Variants in PDE3B observed in about 807,000 individuals in gnomAD.
PDE3B encodes the protein cGMP-inhibited 3',5'-cyclic phosphodiesterase 3B.
PDE3B carries 66 observed loss-of-function variants against 116.8 expected under a neutral mutation model. That is an observed-to-expected ratio of 0.56 (90% CI 0.46 to 0.69). The LOEUF is 0.69. Among genes scored for constraint, PDE3B ranks in the 30% least tolerant of loss-of-function variants. PDE3B has a pLI of 0.00. For missense variants in PDE3B, 1,384 were observed against 1,368.1 expected, an observed-to-expected ratio of 1.01 and a Z score of -0.18; for synonymous variants, 595 against 533.6, an observed-to-expected ratio of 1.12 and a Z score of -1.59.
chr11:14,875,876 C>T (rs1848183323), downstream of PDE3B, among the ~76,000 whole-genome samples: 1 of 152,146 alleles, frequency 6.6e-6, no homozygotes, highest in African/African-American at 2.4e-5. Flanking sequence ...TATGAATCTA[C>T]ATCTTTTATA....
chr11:14,808,480 A>G (rs1462239921), intron 5 of PDE3B, among the ~76,000 whole-genome samples: 1 of 152,238 alleles, frequency 6.6e-6, no homozygotes, highest in Non-Finnish European at 1.5e-5. Flanking sequence ...TAGACTTAGT[A>G]TAAAACAAAA....
At chr11:14,882,190 G>A in the PDE3B span, among the ~76,000 whole-genome samples, 3 of 152,050 alleles carry the variant, frequency 2.0e-5, no homozygotes, top group Middle Eastern at 3.2e-3. Flanking sequence ...TAAGTGTCAG[G>A]AATGTATCAG....
At chr11:14,774,496 G>A (rs945985901) in intron 2 of PDE3B, 11 of 152,152 alleles carry the variant, frequency 7.2e-5, no homozygotes, top group African/African-American at 2.4e-4. Flanking sequence ...AAGTATTTTA[G>A]CATTTGCTGG....
chr11:14,776,438 A>ACC (rs1199679446), intron 2 of PDE3B: 1 of 152,240 alleles, frequency 6.6e-6, no homozygotes, highest in Admixed American at 6.5e-5. Flanking sequence ...CCCTAAAGGT[A>ACC]CCAGATGACC....
the PDE3B span, chr11:14,879,131 A>C: frequency 1.2e-6 from 2 of 1,613,090 alleles, no homozygotes; most frequent in African/African-American, 2.7e-5. Context: ...AAAAGGAACC[A>C]AAGCTTCCTT....
At chr11:14,667,050 A>T (rs1284509865) in intron 1 of PDE3B, among the ~76,000 whole-genome samples, 1 of 152,216 alleles carries the variant, frequency 6.6e-6, no homozygotes, top group Non-Finnish European at 1.5e-5. Flanking sequence ...TCCAACAATG[A>T]TAGACTGGAT....
the PDE3B span, among the ~76,000 whole-genome samples, chr11:14,885,235 T>A: frequency 6.6e-6 from 1 of 152,186 alleles, no homozygotes; most frequent in Non-Finnish European, 1.5e-5. Context: ...GCTTTCTTCT[T>A]ACCGATTTTG....
chr11:14,804,061 ATT>A lies in PDE3B; in HGVS notation c.1522+12_1522+13del, dbSNP rs745948241. 7.0e-7 allele frequency: 1 copy of A among 1,435,840 alleles called. No individual in the cohort carries two copies. Among genetic ancestry groups the A allele is most frequent in the African/African-American group, 1.4e-5 (1 of 71,368 alleles). The allele number at this position is 1,435,840 out of a possible 1,614,324, so 88.9% of individuals were successfully genotyped here. On this transcript the variant is annotated intron_variant, in intron 5 of 15. Transcript: ENST00000282096. ...GTCTCAGAAGAGCTGGTAAGAAATC[ATT>A]CTTTATGACTCAAATATGGGGGTTC...
chr11:14,647,858 A>G (rs972878361), intron 1 of PDE3B, among the ~76,000 whole-genome samples: 3 of 151,500 alleles, frequency 2.0e-5, no homozygotes, highest in Non-Finnish European at 4.4e-5. Flanking sequence ...AAAACATTTG[A>G]TTTTATAATT....
At chr11:14,815,848 C>A (rs1414345058) in intron 5 of PDE3B, among the ~76,000 whole-genome samples, 1 of 151,658 alleles carries the variant, frequency 6.6e-6, no homozygotes, top group Non-Finnish European at 1.5e-5. Flanking sequence ...ATGTGCTTAA[C>A]CTTATTAGTA....
chr11:14,652,576 A>G (rs1248275155), intron 1 of PDE3B, among the ~76,000 whole-genome samples: 1 of 152,036 alleles, frequency 6.6e-6, no homozygotes, highest in African/African-American at 2.4e-5. Flanking sequence ...TCTGTTCTTT[A>G]TTTTTAAGTG....
rs181109021 is a variant in PDE3B, at chr11:14,749,003, T to A, written c.979-22934T>A. ...GCCTGGGTTCATGTGATTCTCATGCTTCAGCCTCCCAAGTAGCTGGGATTA... is the reference window on the plus strand; with the variant it reads ...GCCTGGGTTCATGTGATTCTCATGCATCAGCCTCCCAAGTAGCTGGGATTA... On this transcript the variant is annotated intron_variant, in intron 1 of 15. Coordinates refer to ENST00000282096, the MANE Select transcript of PDE3B (RefSeq NM_000922.4). Among the ~76,000 whole-genome samples, 553 of 151,852 alleles carry A rather than the reference T, an allele frequency of 3.6e-3. 3 individuals are homozygous for A. The highest frequency in any genetic ancestry group is 0.012 in the African/African-American group (500 of 41,430).
In PDE3B at chr11:14,644,814, CT is replaced by C. The variant is rs1226851983; in HGVS notation, c.740del (p.Leu247ArgfsTer42). Reference protein sequence around the residue: ...LGSLPSALRPLLSGLVGGAGC... With the variant: ...LGSLPSALRPXLSGLVGGAGC... The stretch of plus-strand genomic sequence containing the variant: ...GTCGCTGCCCTCCGCCCTCAGGCCG[CT>C]GCTCTCCGGCCTGGTGGGGGGCGCT... On this transcript the variant is annotated frameshift_variant, in exon 1 of 16. Coordinates refer to ENST00000282096, the MANE Select transcript of PDE3B (RefSeq NM_000922.4). LOFTEE classifies it high-confidence loss of function. 6.2e-7 allele frequency: 1 copy of C among 1,611,996 alleles called. No homozygotes were observed.
Position 14,830,743 on chromosome 11 carries a change from A to G in PDE3B, c.1853A>G (p.Glu618Gly). Residue 618 changes from glutamate to glycine, a missense_variant, in exon 8 of 16, where the codon GAA becomes GGA. By Grantham distance (98) the Glu-to-Gly change is moderately conservative (BLOSUM62 -2). Coordinates refer to ENST00000282096, the MANE Select transcript of PDE3B (RefSeq NM_000922.4). ...IFSKESFKLM[E>G]TQQEEETEKK... is the part of the protein sequence containing the mutation. ...TCGAAAGAATCATTCAAACTTATGG[A>G]AACTCAACAAGAAGAGGAAACAGAG... is the stretch of plus-strand genomic sequence containing the variant. The G allele has an allele frequency of 6.7e-7, 1 of 1,498,230 alleles. No individual in the cohort carries two copies. The highest frequency in any genetic ancestry group is 8.9e-7 in the Non-Finnish European group (1 of 1,125,974). The allele number at this position is 1,498,230 out of a possible 1,614,324, so 92.8% of individuals were successfully genotyped here.
rs1565068307 is a variant in PDE3B at position 14,644,259 on chromosome 11, C to A, written c.184C>A (p.Pro62Thr). The change falls in exon 1 of 16, where the codon CCG becomes ACG. Residue 62 changes from proline to threonine, a missense_variant. Transcript: ENST00000282096. Reference protein sequence around the residue: ...CRFCNVELRPPPASPQQPRRC... With the variant: ...CRFCNVELRPTPASPQQPRRC... ...CTTCTGCAACGTGGAGCTGCGGCCG[C>A]CGCCGGCCTCTCCCCAGCAGCCGCG... 29 of 1,568,570 alleles carry A rather than the reference C, an allele frequency of 1.8e-5. No individual in the cohort carries two copies. Among genetic ancestry groups the A allele is most frequent in the Non-Finnish European group, 2.5e-5 (29 of 1,164,796 alleles).
At chr11:14,751,838 C>G (rs1432176169) in intron 1 of PDE3B, among the ~76,000 whole-genome samples, 1 of 152,146 alleles carries the variant, frequency 6.6e-6, no homozygotes, top group African/African-American at 2.4e-5. Context: ...CAAAGATTCC[C>G]TCCATCCCTT....
chr11:14,724,088 TAACC>T (rs1856207260), intron 1 of PDE3B, among the ~76,000 whole-genome samples: 1 of 152,066 alleles, frequency 6.6e-6, no homozygotes, highest in South Asian at 2.1e-4. Flanking sequence ...GCTGTTGAAA[TAACC>T]AAACAAAAAA....
intron 12 of PDE3B, among the ~76,000 whole-genome samples, chr11:14,848,589 C>T (rs1847666629): frequency 6.6e-6 from 1 of 152,034 alleles, no homozygotes; most frequent in East Asian, 1.9e-4. Context: ...TCTAGAAAAC[C>T]CCATTGTCTC....
At chr11:14,679,251 T>G (rs571416057) in intron 1 of PDE3B, among the ~76,000 whole-genome samples, 145 of 152,200 alleles carry the variant, frequency 9.5e-4, no homozygotes, top group Middle Eastern at 6.8e-3. Flanking sequence ...CTATGAAAAA[T>G]TTGGCTGGGA....
Sources: allele counts gnomAD v4.1 joint callset (sites outside exome capture counted in the v4.1 genomes callset), GRCh38; gene constraint gnomAD v4.1.1; transcripts MANE v1.5; gene names NCBI Gene and HGNC (gene_info 2026-07-23, HGNC 2026-07-21).